Variants in PKD1L1 observed in about 807,000 individuals in gnomAD.
PKD1L1 encodes the protein polycystin 1 like 1, transient receptor potential channel interacting, also known as polycystin-1-like protein 1.
In PKD1L1, 236 loss-of-function variants were observed where a neutral mutation model predicts 323.4. The observed-to-expected ratio is 0.73, with a 90% CI of 0.66 to 0.81. The LOEUF is 0.81. Ranked by LOEUF, PKD1L1 falls within the 40% of genes least tolerant of loss-of-function variation. The pLI is 0.00. For synonymous variants in PKD1L1, 1,344 were observed against 1,335.0 expected (o/e 1.01, Z -0.15); for missense variants, 3,320 against 3,508.0 (o/e 0.95, Z 1.35).
At chr7:47,828,938 C>T (rs751905125) in intron 44 of PKD1L1, among the ~76,000 whole-genome samples, 6 of 152,144 alleles carry the variant, frequency 3.9e-5, no homozygotes, top group East Asian at 1.9e-4. Context: ...AATGTCTTTG[C>T]GGTGGCCAGC....
chr7:47,882,242 A>G (rs995386660), intron 19 of PKD1L1, among the ~76,000 whole-genome samples, 157 bp from the exon 20 acceptor site: 1 of 152,142 alleles, frequency 6.6e-6, no homozygotes, highest in African/African-American at 2.4e-5. Context: ...TATTCAAGAC[A>G]TGTACTTTGT....
chr7:47,794,081 A>C (rs538418139), intron 55 of PKD1L1, among the ~76,000 whole-genome samples: 14 of 152,356 alleles, frequency 9.2e-5, no homozygotes, highest in Admixed American at 7.8e-4. Context: ...AATGGAACAT[A>C]AAAGTTAAAG....
Position 47,808,234 on chromosome 7 carries a change from G to T in PKD1L1, c.7827+13C>A. The stretch of plus-strand genomic sequence containing the variant: ...ATGGCCTCTATCTGCATGGCCCTGA[G>T]CACACCGTGTACCTGATTCCATGAT... On this transcript the variant is annotated intron_variant, in intron 52 of 56. Coordinates refer to ENST00000289672, the MANE Select transcript of PKD1L1 (RefSeq NM_138295.5). 1 of 1,613,944 alleles carries T rather than the reference G, an allele frequency of 6.2e-7. No individual in the cohort carries two copies. Among genetic ancestry groups the T allele is most frequent in the South Asian group, 1.1e-5 (1 of 91,026 alleles).
chr7:47,787,022 C>A (rs542271567), intron 56 of PKD1L1, among the ~76,000 whole-genome samples: 2 of 152,226 alleles, frequency 1.3e-5, no homozygotes, highest in South Asian at 2.1e-4. Flanking sequence ...GCATCCAATC[C>A]TTCTAGTTTA....
chr7:47,792,481 C>A, intron 56 of PKD1L1, 146 bp downstream of exon 56: 1 of 775,128 alleles, frequency 1.3e-6, no homozygotes, highest in Non-Finnish European at 1.9e-6. Flanking sequence ...TAGTTCTGGC[C>A]AGAGCATATC....
intron 33 of PKD1L1, among the ~76,000 whole-genome samples, chr7:47,843,421 A>G (rs1785603735): frequency 2.0e-5 from 3 of 152,234 alleles, no homozygotes; most frequent in Admixed American, 6.5e-5. Flanking sequence ...CCTCTGTGCT[A>G]GGTGGCTGTG....
Position 47,779,665 on chromosome 7 carries a change from C to T in PKD1L1, c.8527-4499G>A, listed in dbSNP as rs559445364. ...AGTCTAAAAGATGACACAGGCTCTT[C>T]CCTCCACCCCTATTTGGGTTTTGGT... On this transcript the variant is annotated intron_variant, in intron 56 of 56. Transcript: ENST00000289672. Among the ~76,000 whole-genome samples the T allele has an allele frequency of 2.6e-5, 4 of 152,310 alleles. No individual in the cohort carries two copies. In the South Asian group the frequency reaches 8.3e-4, roughly 32 times the overall value.
intron 7 of PKD1L1, among the ~76,000 whole-genome samples, chr7:47,921,881 C>G (rs955044603): frequency 2.6e-5 from 4 of 151,492 alleles, no homozygotes; most frequent in Non-Finnish European, 5.9e-5. Context: ...CTCTCCCTCT[C>G]CCCTCTCCCC....
At chr7:47,921,266 A>C (rs1787531176) in intron 7 of PKD1L1, among the ~76,000 whole-genome samples, 1 of 151,400 alleles carries the variant, frequency 6.6e-6, no homozygotes, top group Non-Finnish European at 1.5e-5. Context: ...AAAGATATAC[A>C]AATGGCCAGC....
At chr7:47,784,182 A>G (rs553743415) in intron 56 of PKD1L1, among the ~76,000 whole-genome samples, 1 of 152,332 alleles carries the variant, frequency 6.6e-6, no homozygotes, top group South Asian at 2.1e-4. Context: ...CATCCCGGGA[A>G]GACTTAGTAT....
intron 19 of PKD1L1, among the ~76,000 whole-genome samples, chr7:47,883,000 C>G (rs1378454104): frequency 1.3e-5 from 2 of 152,162 alleles, no homozygotes; most frequent in Non-Finnish European, 2.9e-5. Flanking sequence ...ACCAAGGTCA[C>G]TGAAGCAAGA....
At chr7:47,865,380 C>T (rs1786140827) in intron 25 of PKD1L1, 108 bp from the exon 26 acceptor site, 2 of 986,580 alleles carry the variant, frequency 2.0e-6, no homozygotes, top group East Asian at 5.4e-5. Context: ...TACAGATTCC[C>T]TGCTTTTTGG....
At chr7:47,807,020 C>T (rs1158760600) in intron 52 of PKD1L1, among the ~76,000 whole-genome samples, 20 of 152,086 alleles carry the variant, frequency 1.3e-4, no homozygotes, top group African/African-American at 2.7e-4. Flanking sequence ...CACACACAGA[C>T]GGGACTCTGT....
At chr7:47,803,879 G>C (rs1470734027) in intron 52 of PKD1L1, among the ~76,000 whole-genome samples, 3 of 152,182 alleles carry the variant, frequency 2.0e-5, no homozygotes, top group Non-Finnish European at 2.9e-5. Context: ...AGTGTGAACA[G>C]ACAAACATAG....
rs962428745 is a variant in PKD1L1 at position 47,776,995 on chromosome 7, A to T, written c.8527-1829T>A. On this transcript the variant is annotated intron_variant, in intron 56 of 56. Coordinates refer to ENST00000289672, the MANE Select transcript of PKD1L1 (RefSeq NM_138295.5). ...CAACATCCGCCTCCCAGGTTCAATC[A>T]ATTCTCCCGCCTCAGCTTCCTGAGT... Among the ~76,000 whole-genome samples, 65 of 152,052 alleles carry T rather than the reference A, an allele frequency of 4.3e-4. 2 individuals are homozygous for T. The highest frequency in any genetic ancestry group is 4.4e-5 in the Non-Finnish European group (3 of 68,016).
intron 8 of PKD1L1, among the ~76,000 whole-genome samples, chr7:47,910,826 TTGTGTG>T (rs60550498): frequency 2.0e-4 from 25 of 126,082 alleles, no homozygotes; most frequent in Non-Finnish European, 2.9e-4. Flanking sequence ...CCAGCTGATT[TTGTGTG>T]TGTGTGTGTG....
chr7:47,868,758 C>A (rs981150702), intron 24 of PKD1L1, among the ~76,000 whole-genome samples: 2 of 152,144 alleles, frequency 1.3e-5, no homozygotes, highest in African/African-American at 4.8e-5. Flanking sequence ...GCCTGTAATA[C>A]CAGCTACTTC....
chr7:47,896,778 C>A (rs1786945588), intron 14 of PKD1L1, among the ~76,000 whole-genome samples: 1 of 152,128 alleles, frequency 6.6e-6, no homozygotes, highest in Non-Finnish European at 1.5e-5. Context: ...CAATTAGCCA[C>A]CCATCAGGTC....
chr7:47,843,095 C>A lies in PKD1L1; in HGVS notation c.5312G>T (p.Ser1771Ile). ...VILYGFLVAKSRQVDHHEKKK... is the reference protein window; with the variant it reads ...VILYGFLVAKIRQVDHHEKKK... ...TTTTTCATGATGATCTACTTGTCTACTTTTAGCGACCAAAAATCCATAAAG... is the reference window on the plus strand; with the variant it reads ...TTTTTCATGATGATCTACTTGTCTAATTTTAGCGACCAAAAATCCATAAAG... Residue 1771 changes from serine to isoleucine, a missense_variant, in exon 34 of 57, where the codon AGT becomes ATT. Coordinates refer to ENST00000289672, the MANE Select transcript of PKD1L1 (RefSeq NM_138295.5). 2 of 1,613,798 alleles carry A rather than the reference C, an allele frequency of 1.2e-6. No individual in the cohort carries two copies. The highest frequency in any genetic ancestry group is 1.7e-6 in the Non-Finnish European group (2 of 1,179,874).
Sources: gnomAD v4.1 joint callset for allele counts (sites outside exome capture counted in the v4.1 genomes callset) on GRCh38, gnomAD v4.1.1 for gene constraint, MANE v1.5 for transcripts, NCBI Gene and HGNC (gene_info 2026-07-23, HGNC 2026-07-21) for gene names.